Variants in BCCIP observed in about 807,000 individuals in gnomAD.
The protein encoded by BCCIP is BRCA2 and CDKN1A interacting protein.
BCCIP carries 23 observed loss-of-function variants against 32.8 expected under a neutral mutation model. That is an observed-to-expected ratio of 0.70 (90% CI 0.51 to 0.99). The LOEUF (loss-of-function observed/expected upper bound fraction) is 0.99, where lower values mean the gene tolerates loss of function less well. BCCIP is among the 50% of genes least tolerant of loss of function. The pLI is 0.00. For missense variants in BCCIP, 378 were observed against 379.8 expected, an observed-to-expected ratio of 1.00 and a Z score of 0.04; for synonymous variants, 144 against 137.6, an observed-to-expected ratio of 1.05 and a Z score of -0.33.
At chr10:125,832,632 G>T (rs1854549215) in intron 5 of BCCIP, among the ~76,000 whole-genome samples, 1 of 151,798 alleles carries the variant, frequency 6.6e-6, no homozygotes, top group South Asian at 2.1e-4. Flanking sequence ...TCCTAGTCCT[G>T]TTAAAGCTGA....
At position 125,833,971 on chromosome 10, in the gene BCCIP, T is replaced by C. The variant is rs762478614; in HGVS notation, c.774+25T>C. 9 of 1,604,826 alleles carry C rather than the reference T, an allele frequency of 5.6e-6. No homozygotes were observed. In the South Asian group the frequency reaches 7.8e-5, roughly 14 times the overall value. On this transcript the variant is annotated intron_variant, in intron 6 of 6. Coordinates refer to ENST00000278100, the MANE Select transcript of BCCIP (RefSeq NM_078468.3). The stretch of plus-strand genomic sequence containing the variant: ...GGTAAGACTATCCTGCTTATTTGTT[T>C]AGATGTAAATAAGGATTTTCTTGAA...
At chr10:125,830,005 A>AG (rs59078931) in intron 3 of BCCIP, among the ~76,000 whole-genome samples, 117,848 of 151,950 alleles carry the variant, frequency 0.78, 46,021 homozygotes, top group South Asian at 0.8. Flanking sequence ...AACAAAGGGC[A>AG]GGGGGTTCTC....
downstream of BCCIP, chr10:125,836,763 G>C: frequency 6.2e-7 from 1 of 1,613,828 alleles, no homozygotes; most frequent in Non-Finnish European, 8.5e-7. Context: ...TGTTGACACA[G>C]GGGATAGGTG....
At chr10:125,852,680 G>C in intron 7 of BCCIP, 7 of 1,558,476 alleles carry the variant, frequency 4.5e-6, no homozygotes, top group Non-Finnish European at 6.1e-6. Context: ...CGTCAGATAA[G>C]TCATGATTCA....
At chr10:125,839,252 C>CCAGG, downstream of BCCIP, 1 of 1,535,702 alleles carries the variant, frequency 6.5e-7, no homozygotes, top group Non-Finnish European at 8.9e-7. Flanking sequence ...AGAGCCCAGG[C>CCAGG]CAGGCAGTTG....
At chr10:125,846,689 C>A (rs1944025297), downstream of BCCIP, among the ~76,000 whole-genome samples, 1 of 152,210 alleles carries the variant, frequency 6.6e-6, no homozygotes, top group Admixed American at 6.5e-5. Flanking sequence ...CACTTCCATA[C>A]TTATAGGACA....
downstream of BCCIP, among the ~76,000 whole-genome samples, chr10:125,839,929 A>G (rs1343977581): frequency 6.6e-6 from 1 of 152,198 alleles, no homozygotes; most frequent in East Asian, 1.9e-4. Context: ...CATGCCCTCA[A>G]AAGGTGCCAC....
Position 125,826,545 on chromosome 10 carries a change from T to C in BCCIP, c.166-46T>C, listed in dbSNP as rs752402233. The stretch of plus-strand genomic sequence containing the variant: ...ATGTTTGCCTGTTTTAAAGTCTAGA[T>C]GTTTGTAGTTTTTCTGGTAACAACT... On this transcript the variant is annotated intron_variant, in intron 1 of 6. Coordinates refer to ENST00000278100, the MANE Select transcript of BCCIP (RefSeq NM_078468.3). The C allele has an allele frequency of 3.2e-5, 52 of 1,609,780 alleles. No homozygotes were observed. In the South Asian group the frequency reaches 5.1e-4, roughly 16 times the overall value.
intron 3 of BCCIP, among the ~76,000 whole-genome samples, chr10:125,830,023 C>T (rs1198878780): frequency 1.3e-5 from 2 of 152,078 alleles, no homozygotes; most frequent in Non-Finnish European, 2.9e-5. Flanking sequence ...CTCTTTTTTC[C>T]CCTTCTCTCT....
downstream of BCCIP, chr10:125,839,129 C>T (rs375352043): frequency 3.7e-6 from 6 of 1,614,136 alleles, no homozygotes; most frequent in African/African-American, 6.7e-5. Context: ...CGAATAACAT[C>T]TGCCATTCTG....
chr10:125,841,462 C>T (rs2134027238), downstream of BCCIP: 7 of 1,512,832 alleles, frequency 4.6e-6, no homozygotes, highest in Non-Finnish European at 6.2e-6. Flanking sequence ...TTTTCTTCAT[C>T]TGCACTGATT....
chr10:125,843,466 G>T (rs1172596577), downstream of BCCIP, among the ~76,000 whole-genome samples: 1 of 152,120 alleles, frequency 6.6e-6, no homozygotes, highest in Non-Finnish European at 1.5e-5. Flanking sequence ...CAAAAAATTA[G>T]CCGGGCGTGG....
At chr10:125,824,767 C>T (rs1455279309) in intron 1 of BCCIP, among the ~76,000 whole-genome samples, 3 of 152,264 alleles carry the variant, frequency 2.0e-5, no homozygotes, top group Non-Finnish European at 4.4e-5. Context: ...TGATCTCAGG[C>T]CTCTGCTTAG....
intron 1 of BCCIP, among the ~76,000 whole-genome samples, chr10:125,825,023 C>G (rs1200043930): frequency 6.6e-6 from 1 of 152,288 alleles, no homozygotes; most frequent in Non-Finnish European, 1.5e-5. Context: ...ACAAATTTTA[C>G]TTTGGCTCTA....
chr10:125,838,314 A>C, downstream of BCCIP: 3 of 1,613,940 alleles, frequency 1.9e-6, no homozygotes, highest in South Asian at 3.3e-5. Context: ...GTAACCAGAC[A>C]GGGGATGCAG....
downstream of BCCIP, chr10:125,841,368 A>G (rs768082409): frequency 2.0e-5 from 32 of 1,613,504 alleles, no homozygotes; most frequent in South Asian, 6.6e-5. Flanking sequence ...AAATTAAAAC[A>G]TACAAGCCAG....
downstream of BCCIP, among the ~76,000 whole-genome samples, chr10:125,839,536 T>C (rs1380639041): frequency 6.6e-6 from 1 of 152,254 alleles, no homozygotes; most frequent in Non-Finnish European, 1.5e-5. Flanking sequence ...ATCTATGTTG[T>C]GTCTCTATGC....
In BCCIP at chr10:125,823,742, C is replaced by T. The variant is rs774646127; in HGVS notation, c.165+20C>T. ...GACGAGGTGAGAAGGACACGCTCCC[C>T]TAGTTGGTTTATACCTGAGAAAAAC... On this transcript the variant is annotated intron_variant, in intron 1 of 6. Coordinates refer to ENST00000278100, the MANE Select transcript of BCCIP (RefSeq NM_078468.3). 1 of 1,613,296 alleles carries T rather than the reference C, an allele frequency of 6.2e-7. No individual in the cohort carries two copies. Among genetic ancestry groups the T allele is most frequent in the South Asian group, 1.1e-5 (1 of 90,966 alleles).
downstream of BCCIP, among the ~76,000 whole-genome samples, chr10:125,840,608 C>T (rs1408117089): frequency 6.6e-6 from 1 of 152,224 alleles, no homozygotes; most frequent in Non-Finnish European, 1.5e-5. Context: ...TGAGTGGAGT[C>T]CTGGAGCTCT....
Sources: gnomAD v4.1 joint callset for allele counts (sites outside exome capture counted in the v4.1 genomes callset) on GRCh38, gnomAD v4.1.1 for gene constraint, MANE v1.5 for transcripts, NCBI Gene and HGNC (gene_info 2026-07-23, HGNC 2026-07-21) for gene names.